The following PLG variants were observed in gnomAD, a reference collection of about 807,000 sequenced individuals.
PLG encodes plasmin.
PLG carries 41 observed loss-of-function variants against 104.4 expected under a neutral mutation model. That is an observed-to-expected ratio of 0.39 (90% CI 0.31 to 0.51). The LOEUF is 0.51. Ranked by LOEUF, PLG falls within the 20% of genes least tolerant of loss-of-function variation. The pLI, the probability that PLG is intolerant of heterozygous loss-of-function variation, is 0.76. For missense variants in PLG, 891 were observed against 1,003.6 expected, an observed-to-expected ratio of 0.89 and a Z score of 1.52; for synonymous variants, 337 against 357.1, an observed-to-expected ratio of 0.94 and a Z score of 0.63.
chr6:160,715,983 G>T (rs575692150), intron 6 of PLG, among the ~76,000 whole-genome samples: 1 of 152,230 alleles, frequency 6.6e-6, no homozygotes, highest in Non-Finnish European at 1.5e-5. Context: ...CCCCACTGAG[G>T]AAGGATCCAG....
chr6:160,752,333 C>T lies in PLG; in HGVS notation c.2271+73C>T, dbSNP rs1778417763. 2 of 1,389,440 alleles carry T rather than the reference C, an allele frequency of 1.4e-6. No homozygotes were observed. Among genetic ancestry groups the T allele is most frequent in the African/African-American group, 2.8e-5 (2 of 70,554 alleles). 86.1% of individuals were successfully genotyped at this position (1,389,440 alleles called of 1,614,324 possible). ...CAGTCTCAGCCCCTCAGACTTCATT[C>T]CCCAGGTGGCAAATTCAAGGATTTT... On this transcript the variant is annotated intron_variant, in intron 18 of 18. Coordinates refer to ENST00000308192, the MANE Select transcript of PLG (RefSeq NM_000301.5). The surrounding 1 kb of genome is among the most constrained non-coding windows in gnomAD (Gnocchi z 4.7).
intron 7 of PLG, among the ~76,000 whole-genome samples, chr6:160,717,798 G>A (rs1196176860): frequency 1.3e-5 from 2 of 152,170 alleles, no homozygotes; most frequent in African/African-American, 2.4e-5. Context: ...TTGTGAAAGG[G>A]TCTCACAGGC....
In PLG at chr6:160,731,361, G is replaced by A. The variant is rs1777996636; in HGVS notation, c.1438+129G>A. 2 of 866,458 alleles carry A rather than the reference G, an allele frequency of 2.3e-6. No individual in the cohort carries two copies. Among genetic ancestry groups the A allele is most frequent in the East Asian group, 2.6e-5 (1 of 38,170 alleles). The allele number at this position is 866,458 out of a possible 1,614,324, so 53.7% of individuals were successfully genotyped here. Reference sequence around the variant, plus strand: ...GTGTTTTTAGAGGGTCTGCCATGTGGAAGGAAGCCTCAGTGCACTCTCTCA... The same window carrying A: ...GTGTTTTTAGAGGGTCTGCCATGTGAAAGGAAGCCTCAGTGCACTCTCTCA... On this transcript the variant is annotated intron_variant, in intron 11 of 18. Coordinates refer to ENST00000308192, the MANE Select transcript of PLG (RefSeq NM_000301.5). The surrounding 1 kb of genome is among the most constrained non-coding windows in gnomAD (Gnocchi z 5.1).
Position 160,734,177 on chromosome 6 carries a change from T to A in PLG, c.1681+89T>A. The A allele has an allele frequency of 1.3e-6, 1 of 744,394 alleles. No individual in the cohort carries two copies. The highest frequency in any genetic ancestry group is 2.4e-6 in the Non-Finnish European group (1 of 412,386). The allele number at this position is 744,394 out of a possible 1,614,324, so 46.1% of individuals were successfully genotyped here. The stretch of plus-strand genomic sequence containing the variant: ...AAAGGGCTTCTGAGCAGACTGCTTC[T>A]GGGGAGGAGATAGCTGCCCTCTCCA... On this transcript the variant is annotated intron_variant, in intron 13 of 18. Coordinates refer to ENST00000308192, the MANE Select transcript of PLG (RefSeq NM_000301.5). The surrounding 1 kb of genome is among the most constrained non-coding windows in gnomAD (Gnocchi z 4.4).
intron 6 of PLG, 143 bp downstream of exon 6, chr6:160,715,057 A>G: frequency 8.5e-6 from 7 of 822,244 alleles, no homozygotes; most frequent in Non-Finnish European, 1.4e-5. Context: ...TCCTCCCACA[A>G]TATTGCAAGT....
Position 160,739,117 on chromosome 6 carries a change from G to T in PLG, c.1927G>T (p.Val643Leu). ...YKVILGAHQE[V>L]NLEPHVQEIE... ...GGTCATCCTGGGTGCACACCAAGAA[G>T]TGAATCTCGAACCGCATGTTCAGGA... Residue 643 changes from valine to leucine, a missense_variant, in exon 16 of 19, where the codon GTG (valine) becomes TTG (leucine). Physicochemically the swap from Val to Leu is conservative, Grantham distance 32 (BLOSUM62 1). Around this residue, in one of 2 missense-constraint regions of PLG, gnomAD observed 854 missense variants for 932.1 expected, o/e 0.92. Transcript: ENST00000308192. This position sits in a 1 kb window ranked among gnomAD's most constrained non-coding sequence, Gnocchi z 4.4. 2 of 1,614,140 alleles carry T rather than the reference G, an allele frequency of 1.2e-6. No homozygotes were observed. Among genetic ancestry groups the T allele is most frequent in the Non-Finnish European group, 1.7e-6 (2 of 1,180,008 alleles).
Position 160,744,858 on chromosome 6 carries a change from T to A in PLG, c.2125+3441T>A, listed in dbSNP as rs978194512. On this transcript the variant is annotated intron_variant, in intron 17 of 18. Coordinates refer to ENST00000308192, the MANE Select transcript of PLG (RefSeq NM_000301.5). The surrounding 1 kb of genome is among the most constrained non-coding windows in gnomAD (Gnocchi z 4.5). The stretch of plus-strand genomic sequence containing the variant: ...CAAGAGATTCTGGTATGTTGTATCT[T>A]TATTCTCATTAGTTCAAAGAACTTC... 1.3e-5 allele frequency among the ~76,000 whole-genome samples: 2 copies of A among 152,252 alleles called. No homozygotes were observed. The highest frequency in any genetic ancestry group is 4.8e-5 in the African/African-American group (2 of 41,466).
rs1777991241 is a variant in PLG at position 160,731,060 on chromosome 6, A to G, written c.1266A>G (p.Thr422=). 2 of 1,613,840 alleles carry G rather than the reference A, an allele frequency of 1.2e-6. No individual in the cohort carries two copies. Among genetic ancestry groups the G allele is most frequent in the Admixed American group, 1.7e-5 (1 of 59,996 alleles). The stretch of plus-strand genomic sequence containing the variant: ...GTTTTGGAATTTCCAGTGGCCTGAC[A>G]ATGAACTACTGCAGGAATCCAGATG... ...TPENYPNAGL[T]MNYCRNPDAD... Residue 422 remains threonine (T), a synonymous_variant, in exon 11 of 19, where the codon ACA becomes ACG. Coordinates refer to ENST00000308192, the MANE Select transcript of PLG (RefSeq NM_000301.5). This position sits in a 1 kb window ranked among gnomAD's most constrained non-coding sequence, Gnocchi z 5.1.
At chr6:160,706,679 T>C in intron 2 of PLG, 137 bp downstream of exon 2, 2 of 840,720 alleles carry the variant, frequency 2.4e-6, no homozygotes, top group Non-Finnish European at 3.9e-6. Context: ...GCTCACAGTA[T>C]GTGAAGCCAT....
rs201792453 is a variant in PLG, at chr6:160,713,054, C to A, written c.476C>A (p.Pro159Gln). 1 of 1,607,792 alleles carries A rather than the reference C, an allele frequency of 6.2e-7. No homozygotes were observed. The highest frequency in any genetic ancestry group is 2.2e-5 in the East Asian group (1 of 44,848). Reference sequence around the variant, plus strand: ...TACTGCAGGAATCCAGACAACGATCCGCAGGGGCCCTGGTGCTATACTACT... The same window carrying A: ...TACTGCAGGAATCCAGACAACGATCAGCAGGGGCCCTGGTGCTATACTACT... ...ENYCRNPDNDPQGPWCYTTDP... is the reference protein window; with the variant it reads ...ENYCRNPDNDQQGPWCYTTDP... Residue 159 changes from proline to glutamine, a missense_variant, in exon 5 of 19, where the codon CCG becomes CAG. Pro to Gln is a moderately conservative substitution (Grantham distance 76). Transcript: ENST00000308192.
Position 160,711,606 on chromosome 6 carries a change from G to T in PLG, c.407+415G>T, listed in dbSNP as rs752079695. The T allele has an allele frequency of 1.4e-4, 218 of 1,609,580 alleles. No homozygotes were observed. In the Middle Eastern group the frequency reaches 3.8e-3, roughly 28 times the overall value. On this transcript the variant is annotated intron_variant, in intron 4 of 18. Transcript: ENST00000308192. Reference sequence around the variant, plus strand: ...AGATAGAAAGAATCTTTTTGATGTCGATGTTCAACTATTTTTGGCACCATA... The same window carrying T: ...AGATAGAAAGAATCTTTTTGATGTCTATGTTCAACTATTTTTGGCACCATA...
At position 160,710,480 on chromosome 6, in the gene PLG, G is replaced by C. The variant is rs192504192; in HGVS notation, c.293-597G>C. Among the ~76,000 whole-genome samples, 3 of 151,980 alleles carry C rather than the reference G, an allele frequency of 2.0e-5. No homozygotes were observed. The East Asian group carries it at 5.8e-4, about 29-fold the overall frequency. On this transcript the variant is annotated intron_variant, in intron 3 of 18. Transcript: ENST00000308192. ...CGGACTGTTTTAAACACAGGAGAGG[G>C]CCCGTTGTCTAACTGGTGAGTTGGT...
At position 160,726,283 on chromosome 6, in the gene PLG, CA is replaced by C. The variant is rs1199014095; in HGVS notation, c.1256+3723del. Reference sequence around the variant, plus strand: ...ACAGAATTAAATGAGATATAAATAACAAAAAAATTGGGAAATTATCAAATAT... The same window carrying C: ...ACAGAATTAAATGAGATATAAATAACAAAAAATTGGGAAATTATCAAATAT... On this transcript the variant is annotated intron_variant, in intron 10 of 18. Coordinates refer to ENST00000308192, the MANE Select transcript of PLG (RefSeq NM_000301.5). This position sits in a 1 kb window ranked among gnomAD's most constrained non-coding sequence, Gnocchi z 4.4. Among the ~76,000 whole-genome samples the C allele has an allele frequency of 6.6e-6, 1 of 151,672 alleles. No individual in the cohort carries two copies. Among genetic ancestry groups the C allele is most frequent in the Admixed American group, 6.6e-5 (1 of 15,210 alleles).
In PLG at chr6:160,737,301, GA is replaced by G. The variant is rs2115178553; in HGVS notation, c.1802+295del. ...TCCAATATTGCTGGAAAATACTGAA[GA>G]TGCTCTGAGGATTTCTATGGATATC... is the stretch of plus-strand genomic sequence containing the variant. On this transcript the variant is annotated intron_variant, in intron 14 of 18. Coordinates refer to ENST00000308192, the MANE Select transcript of PLG (RefSeq NM_000301.5). This position sits in a 1 kb window ranked among gnomAD's most constrained non-coding sequence, Gnocchi z 4.7. 6.6e-6 allele frequency among the ~76,000 whole-genome samples: 1 copy of G among 152,280 alleles called. No individual in the cohort carries two copies. Among genetic ancestry groups the G allele is most frequent in the Non-Finnish European group, 1.5e-5 (1 of 68,034 alleles).
At position 160,718,371 on chromosome 6, in the gene PLG, G is replaced by A. The variant is rs1562374788; in HGVS notation, c.865G>A (p.Val289Ile). The change falls in exon 8 of 19, where the codon GTT (valine) becomes ATT (isoleucine). Residue 289 changes from valine to isoleucine, a missense_variant. Physicochemically the swap from Val to Ile is conservative, Grantham distance 29. Around this residue, in one of 2 missense-constraint regions of PLG, gnomAD observed 854 missense variants for 932.1 expected, o/e 0.92. Coordinates refer to ENST00000308192, the MANE Select transcript of PLG (RefSeq NM_000301.5). ...TGENYRGNVA[V>I]TVSGHTCQHW... Reference sequence around the variant, plus strand: ...TGAAAACTATCGCGGGAATGTGGCTGTTACCGTGTCCGGGCACACCTGTCA... The same window carrying A: ...TGAAAACTATCGCGGGAATGTGGCTATTACCGTGTCCGGGCACACCTGTCA... The A allele has an allele frequency of 1.9e-6, 3 of 1,613,592 alleles. No homozygotes were observed. Among genetic ancestry groups the A allele is most frequent in the Non-Finnish European group, 2.5e-6 (3 of 1,179,466 alleles).
At chr6:160,707,587 T>G in intron 2 of PLG, 113 bp from the exon 3 acceptor site, 2 of 1,140,672 alleles carry the variant, frequency 1.8e-6, no homozygotes, top group South Asian at 2.5e-5. Context: ...AATTCTGAGC[T>G]CTCTGGTCCC....
Position 160,731,645 on chromosome 6 carries a change from T to C in PLG, c.1439-100T>C. On this transcript the variant is annotated intron_variant, in intron 11 of 18. Transcript: ENST00000308192. The surrounding 1 kb of genome is among the most constrained non-coding windows in gnomAD (Gnocchi z 5.1). The stretch of plus-strand genomic sequence containing the variant: ...TGCAGTTTCTGAGGAATGTGGCCCC[T>C]GATTCTGTCATCCTAGAGAAACCTG... The C allele has an allele frequency of 8.5e-7, 1 of 1,182,392 alleles. No individual in the cohort carries two copies. The highest frequency in any genetic ancestry group is 1.2e-5 in the South Asian group (1 of 81,938). 73.2% of individuals were successfully genotyped at this position (1,182,392 alleles called of 1,614,324 possible). A position where few individuals can be genotyped will look rare whatever the true frequency, so the allele number is the denominator to read the frequency against.
At position 160,725,009 on chromosome 6, in the gene PLG, G is replaced by A. The variant is rs193203156; in HGVS notation, c.1256+2442G>A. Among the ~76,000 whole-genome samples, 332 of 152,256 alleles carry A rather than the reference G, an allele frequency of 2.2e-3. No individual in the cohort carries two copies. Among genetic ancestry groups the A allele is most frequent in the Non-Finnish European group, 3.4e-3 (228 of 68,012 alleles). ...AGTCGGGCAGATCATGGGGTCAGGAGTTTGAGACCAGCCTGACCAACATGG... is the reference window on the plus strand; with the variant it reads ...AGTCGGGCAGATCATGGGGTCAGGAATTTGAGACCAGCCTGACCAACATGG... On this transcript the variant is annotated intron_variant, in intron 10 of 18. Coordinates refer to ENST00000308192, the MANE Select transcript of PLG (RefSeq NM_000301.5). This position sits in a 1 kb window ranked among gnomAD's most constrained non-coding sequence, Gnocchi z 6.3.
intron 17 of PLG, among the ~76,000 whole-genome samples, chr6:160,742,093 G>A (rs374738382): frequency 5.4e-4 from 82 of 152,286 alleles, no homozygotes; most frequent in African/African-American, 1.9e-3. Flanking sequence ...CCATGTCTTT[G>A]CTACTGTGAA....
Sources: allele counts gnomAD v4.1 joint callset (sites outside exome capture counted in the v4.1 genomes callset), GRCh38; gene constraint gnomAD v4.1.1; regional missense constraint gnomAD v4.1.1; non-coding constraint Gnocchi (gnomAD v3.1); transcripts MANE v1.5; gene names NCBI Gene and HGNC (gene_info 2026-07-23, HGNC 2026-07-21).